Variants in SCYL1 observed in about 807,000 individuals in gnomAD.
SCYL1 encodes SCY1 like pseudokinase 1.
In SCYL1, 85 loss-of-function variants were observed where a neutral mutation model predicts 94.8. The observed-to-expected ratio is 0.90, with a 90% CI of 0.75 to 1.07. The LOEUF (loss-of-function observed/expected upper bound fraction) is 1.07. SCYL1 is among the 50% of genes least tolerant of loss of function. The pLI, the probability that SCYL1 is intolerant of heterozygous loss-of-function variation, is 0.00. For synonymous variants in SCYL1, 459 were observed against 435.5 expected (o/e 1.05, Z -0.67); for missense variants, 968 against 1,083.3 (o/e 0.89, Z 1.49).
At chr11:65,532,994 G>T in intron 9 of SCYL1, 189 bp downstream of exon 9, 2 of 575,846 alleles carry the variant, frequency 3.5e-6, no homozygotes, top group South Asian at 3.8e-5. Flanking sequence ...CAGACAACGA[G>T]CATCTGCCTG....
Position 65,526,704 on chromosome 11 carries a change from G to T in SCYL1, c.603-79G>T, listed in dbSNP as rs1855100546. ...CATAGCCAGGCCCTGGCATGCAGTGGGTGCCTGGTGCCCAAGGCAGGCTGG... is the reference window on the plus strand; with the variant it reads ...CATAGCCAGGCCCTGGCATGCAGTGTGTGCCTGGTGCCCAAGGCAGGCTGG... On this transcript the variant is annotated intron_variant, in intron 4 of 17. Transcript: ENST00000270176. This position sits in a 1 kb window ranked among gnomAD's most constrained non-coding sequence, Gnocchi z 4.1. The T allele has an allele frequency of 1.5e-6, 2 of 1,369,094 alleles. No homozygotes were observed. Among genetic ancestry groups the T allele is most frequent in the East Asian group, 4.6e-5 (2 of 43,330 alleles). 84.8% of individuals were successfully genotyped at this position (1,369,094 alleles called of 1,614,324 possible).
intron 7 of SCYL1, 133 bp downstream of exon 7, chr11:65,530,920 A>C: frequency 1.0e-6 from 1 of 974,678 alleles, no homozygotes. Flanking sequence ...CAGTGTCTAT[A>C]AACAGGTACC....
intron 17 of SCYL1, 41 bp downstream of exon 17, chr11:65,538,365 C>T (rs1187503208): frequency 2.6e-6 from 4 of 1,539,120 alleles, no homozygotes; most frequent in African/African-American, 1.4e-5. Flanking sequence ...TAGGGCTCCC[C>T]GACTAGCCCG....
Position 65,534,487 on chromosome 11 carries a change from A to AT in SCYL1, c.1231-737dup, listed in dbSNP as rs140497825. 2.1e-3 allele frequency among the ~76,000 whole-genome samples: 324 copies of AT among 152,176 alleles called. 1 individual carries two copies. The highest frequency in any genetic ancestry group is 7.6e-3 in the African/African-American group (317 of 41,520). ...AGCAACTGGAAGGTTAGGAGTTGCT[A>AT]TTTACTGAGATGACACAAGCATGTT... On this transcript the variant is annotated intron_variant, in intron 9 of 17. Coordinates refer to ENST00000270176, the MANE Select transcript of SCYL1 (RefSeq NM_020680.4).
rs1463213205 is a variant in SCYL1 at position 65,535,282 on chromosome 11, T to C, written c.1286T>C (p.Met429Thr). ...LNEANLNVEL[M>T]KHFARLQAKD... ...GAGGCCAACCTCAATGTGGAGCTGA[T>C]GAAGCACTTTGCACGGCTACAGGCC... The change falls in exon 10 of 18, where the codon ATG (methionine) becomes ACG (threonine). Residue 429 changes from methionine (M) to threonine (T), a missense_variant. Transcript: ENST00000270176. 3 of 1,614,234 alleles carry C rather than the reference T, an allele frequency of 1.9e-6. No individual in the cohort carries two copies. Among genetic ancestry groups the C allele is most frequent in the Admixed American group, 3.3e-5 (2 of 60,030 alleles).
intron 2 of SCYL1, 58 bp from the exon 3 acceptor site, chr11:65,525,863 T>G (rs1282393758): frequency 1.3e-6 from 2 of 1,590,114 alleles, no homozygotes; most frequent in African/African-American, 2.7e-5. Flanking sequence ...TTCAAGTCGC[T>G]TATCTCTCCT....
chr11:65,538,517 G>T lies in SCYL1; in HGVS notation c.2378G>T (p.Arg793Met). 6.2e-7 allele frequency: 1 copy of T among 1,610,150 alleles called. No individual in the cohort carries two copies. The highest frequency in any genetic ancestry group is 8.5e-7 in the Non-Finnish European group (1 of 1,178,942). ...RREMEAKRAE[R>M]KVAKGPMKLG... ...GAGATGGAGGCCAAACGCGCCGAGA[G>T]GAAGGTGGCCAAGGGCCCCATGAAG... The change falls in exon 18 of 18, where the codon AGG becomes ATG. Residue 793 changes from arginine to methionine, a missense_variant. Coordinates refer to ENST00000270176, the MANE Select transcript of SCYL1 (RefSeq NM_020680.4).
Position 65,525,126 on chromosome 11 carries a change from G to A in SCYL1, c.-28G>A, listed in dbSNP as rs774313814. 6.9e-6 allele frequency: 9 copies of A among 1,301,592 alleles called. No homozygotes were observed. The highest frequency in any genetic ancestry group is 7.9e-6 in the Non-Finnish European group (8 of 1,014,708). The allele number at this position is 1,301,592 out of a possible 1,614,324, so 80.6% of individuals were successfully genotyped here. A position where few individuals can be genotyped will look rare whatever the true frequency, so the allele number is the denominator to read the frequency against. Reference sequence around the variant, plus strand: ...CGGCCGGAGGACCCGGAGCTAAGGCGCCCGAACCCGCGGCGGCGGTGGGGA... The same window carrying A: ...CGGCCGGAGGACCCGGAGCTAAGGCACCCGAACCCGCGGCGGCGGTGGGGA... On this transcript the variant is annotated 5_prime_UTR_variant, in exon 1 of 18. Transcript: ENST00000270176.
Position 65,527,030 on chromosome 11 carries a change from A to C in SCYL1, c.762A>C (p.Pro254=). 6.2e-7 allele frequency: 1 copy of C among 1,613,506 alleles called. No individual in the cohort carries two copies. ...CAAACCCCAAGGTGCGTCCCAACCC[A>C]GCCCGCTTCCTGCAGAACTGCCGGG... ...VGANPKVRPN[P]ARFLQNCRAP... Residue 254 remains proline, a synonymous_variant, in exon 6 of 18, where the codon CCA becomes CCC. Transcript: ENST00000270176.
chr11:65,527,159 C>A, intron 6 of SCYL1, 42 bp downstream of exon 6: 1 of 1,597,258 alleles, frequency 6.3e-7, no homozygotes, highest in Non-Finnish European at 8.6e-7. Context: ...CTATCTTTTT[C>A]ATTCTGCCCC....
chr11:65,530,578 G>T (rs1855311069), intron 6 of SCYL1, 51 bp from the exon 7 acceptor site: 1 of 1,574,842 alleles, frequency 6.3e-7, no homozygotes, highest in Non-Finnish European at 8.6e-7. Flanking sequence ...GGCTGGGTTT[G>T]GGCTGCAACC....
chr11:65,528,817 C>G (rs1590726523), intron 6 of SCYL1, among the ~76,000 whole-genome samples: 1 of 152,160 alleles, frequency 6.6e-6, no homozygotes, highest in South Asian at 2.1e-4. Context: ...AGTGGGTATT[C>G]AGGGATGGGC....
intron 6 of SCYL1, among the ~76,000 whole-genome samples, 154 bp downstream of exon 6, chr11:65,527,271 T>TA (rs1309243545): frequency 6.6e-6 from 1 of 152,136 alleles, no homozygotes; most frequent in Non-Finnish European, 1.5e-5. Flanking sequence ...AGCTCATACT[T>TA]ACTCTGTGAC....
chr11:65,526,767 T>C lies in SCYL1; in HGVS notation c.603-16T>C. 6.2e-7 allele frequency: 1 copy of C among 1,609,068 alleles called. No individual in the cohort carries two copies. Among genetic ancestry groups the C allele is most frequent in the Non-Finnish European group, 8.5e-7 (1 of 1,177,898 alleles). Reference sequence around the variant, plus strand: ...GTGGTTGGTGGGGCCCTAAGAGCTCTGGGTCACTGCCACAGGTCAGCAGAC... The same window carrying C: ...GTGGTTGGTGGGGCCCTAAGAGCTCCGGGTCACTGCCACAGGTCAGCAGAC... On this transcript the variant is annotated splice_polypyrimidine_tract_variant and intron_variant, in intron 4 of 17. Coordinates refer to ENST00000270176, the MANE Select transcript of SCYL1 (RefSeq NM_020680.4). This position sits in a 1 kb window ranked among gnomAD's most constrained non-coding sequence, Gnocchi z 4.1.
At chr11:65,529,846 G>T (rs1303033995) in intron 6 of SCYL1, among the ~76,000 whole-genome samples, 2 of 152,178 alleles carry the variant, frequency 1.3e-5, no homozygotes, top group African/African-American at 4.8e-5. Flanking sequence ...CCGCTTCTTA[G>T]CTGTGTGACT....
rs1356884598 is a variant in SCYL1 at position 65,536,240 on chromosome 11, C to T, written c.1576-19C>T. The T allele has an allele frequency of 1.2e-6, 2 of 1,612,350 alleles. No homozygotes were observed. Among genetic ancestry groups the T allele is most frequent in the East Asian group, 4.5e-5 (2 of 44,818 alleles). Reference sequence around the variant, plus strand: ...CTTGGGAACCCCAGAGACCCCAGCTCTGCCTCGTTACCCCACAGGCCTTCA... The same window carrying T: ...CTTGGGAACCCCAGAGACCCCAGCTTTGCCTCGTTACCCCACAGGCCTTCA... On this transcript the variant is annotated intron_variant, in intron 11 of 17. Coordinates refer to ENST00000270176, the MANE Select transcript of SCYL1 (RefSeq NM_020680.4).
chr11:65,531,228 C>G lies in SCYL1; in HGVS notation c.1009-348C>G, dbSNP rs1300030233. Among the ~76,000 whole-genome samples the G allele has an allele frequency of 3.9e-4, 59 of 152,124 alleles. 2 individuals carry two copies. Among genetic ancestry groups the G allele is most frequent in the Admixed American group, 3.7e-3 (57 of 15,266 alleles). ...CTGCCCTCCTCACCTTGGGGAGAAC[C>G]CTTTCATCTGAAAGACTTGTCAGGA... On this transcript the variant is annotated intron_variant, in intron 7 of 17. Coordinates refer to ENST00000270176, the MANE Select transcript of SCYL1 (RefSeq NM_020680.4).
At chr11:65,536,925 C>A in intron 13 of SCYL1, 61 bp from the exon 14 acceptor site, 1 of 1,403,604 alleles carries the variant, frequency 7.1e-7, no homozygotes, top group East Asian at 2.3e-5. Context: ...CCCCCTTCCC[C>A]TAGCAGCCTC....
Position 65,536,331 on chromosome 11 carries a change from G to C in SCYL1, c.1648G>C (p.Val550Leu). Residue 550 changes from valine (V) to leucine (L), a missense_variant, in exon 12 of 18, where the codon GTG (valine) becomes CTG (leucine). By Grantham distance (32) the Val-to-Leu change is conservative. Coordinates refer to ENST00000270176, the MANE Select transcript of SCYL1 (RefSeq NM_020680.4). ...GGAGGACCCGACCCAGCTGGAGGAAGTGGGTGAGTGGCTTACACTCGTGTT... is the reference window on the plus strand; with the variant it reads ...GGAGGACCCGACCCAGCTGGAGGAACTGGGTGAGTGGCTTACACTCGTGTT... The part of the protein sequence containing the change: ...VSEDPTQLEE[V>L]EKDVHAASSP... 6 of 1,614,088 alleles carry C rather than the reference G, an allele frequency of 3.7e-6. No homozygotes were observed. The highest frequency in any genetic ancestry group is 1.7e-5 in the Admixed American group (1 of 60,026).
Sources: allele counts gnomAD v4.1 joint callset (sites outside exome capture counted in the v4.1 genomes callset), GRCh38; gene constraint gnomAD v4.1.1; non-coding constraint Gnocchi (gnomAD v3.1); transcripts MANE v1.5; gene names NCBI Gene and HGNC (gene_info 2026-07-23, HGNC 2026-07-21).